Variants in KRT6A observed in about 807,000 individuals in gnomAD.
KRT6A encodes the protein keratin, type II cytoskeletal 6A.
KRT6A carries 28 observed loss-of-function variants against 48.6 expected under a neutral mutation model. That is an observed-to-expected ratio of 0.58 (90% CI 0.43 to 0.79). KRT6A has a LOEUF of 0.79. KRT6A is among the 30% of genes least tolerant of loss of function. The pLI is 0.00. For synonymous variants in KRT6A, 301 were observed against 294.2 expected (o/e 1.02, Z -0.24); for missense variants, 687 against 724.3 (o/e 0.95, Z 0.59).
intron 6 of KRT6A, among the ~76,000 whole-genome samples, chr12:52,488,924 A>T (rs1181197374): frequency 6.6e-6 from 1 of 152,194 alleles, no homozygotes; most frequent in Non-Finnish European, 1.5e-5. Context: ...CAAAATTAAG[A>T]CCATCCTGAA....
Position 52,491,583 on chromosome 12 carries a change from G to C in KRT6A, c.694C>G (p.Arg232Gly), listed in dbSNP as rs760660499. Residue 232 changes from arginine to glycine, a missense_variant, in exon 2 of 9, where the codon CGG becomes GGG. Around this residue, in one of 3 missense-constraint regions of KRT6A, gnomAD observed 566 missense variants for 565.3 expected, o/e 1.00. Transcript: ENST00000330722. The stretch of plus-strand genomic sequence containing the variant: ...CTGAGCTCTGAGTCCAGGCGGCCCC[G>C]TTCCCCGACAATGCTGTCCAGCTGC... Reference protein sequence around the residue: ...RRQLDSIVGERGRLDSELRGM... With the variant: ...RRQLDSIVGEGGRLDSELRGM... 5.0e-6 allele frequency: 8 copies of C among 1,613,992 alleles called. No individual in the cohort carries two copies. In the African/African-American group the frequency reaches 1.1e-4, roughly 22 times the overall value.
Position 52,492,791 on chromosome 12 carries a change from C to T in KRT6A, c.398G>A (p.Gly133Glu). ...GGPGFPVCPP[G>E]GIQEVTVNQS... ...GTTGACGGTGACCTCTTGGATGCCT[C>T]CAGGGGGGCACACAGGGAAGCCAGG... The change falls in exon 1 of 9, where the codon GGA becomes GAA. Residue 133 changes from glycine (G) to glutamate (E), a missense_variant. This residue lies in a region of KRT6A where 566 missense variants were observed against 565.3 expected (regional missense o/e 1.00). Coordinates refer to ENST00000330722, the MANE Select transcript of KRT6A (RefSeq NM_005554.4). The T allele has an allele frequency of 6.2e-7, 1 of 1,613,616 alleles. No individual in the cohort carries two copies. The highest frequency in any genetic ancestry group is 8.5e-7 in the Non-Finnish European group (1 of 1,179,854).
chr12:52,493,180 G>A lies in KRT6A; in HGVS notation c.9C>T (p.Ser3=). Residue 3 remains serine, a synonymous_variant, in exon 1 of 9, where the codon AGC becomes AGT. Coordinates refer to ENST00000330722, the MANE Select transcript of KRT6A (RefSeq NM_005554.4). ...TGTGGCTCCTGATGGTGGTGGATGT[G>A]CTGGCCATGGTTCCAGGAGATGAGA... MA[S]TSTTIRSHSS... is the part of the protein sequence containing the mutation. The A allele has an allele frequency of 6.2e-7, 1 of 1,614,180 alleles. No homozygotes were observed. The highest frequency in any genetic ancestry group is 8.5e-7 in the Non-Finnish European group (1 of 1,180,048).
intron 6 of KRT6A, 104 bp from the exon 7 acceptor site, chr12:52,488,652 T>G: frequency 7.1e-7 from 1 of 1,409,446 alleles, no homozygotes; most frequent in Admixed American, 1.9e-5. Flanking sequence ...CCAGAATTGA[T>G]GGTGAATGAG....
intron 5 of KRT6A, 161 bp from the exon 6 acceptor site, chr12:52,490,229 C>T: frequency 5.0e-6 from 7 of 1,390,330 alleles, no homozygotes; most frequent in Non-Finnish European, 7.0e-6. Flanking sequence ...ATACTAAACA[C>T]TGGAGTCACA....
Position 52,491,648 on chromosome 12 carries a change from A to C in KRT6A, c.629T>G (p.Leu210Arg), listed in dbSNP as rs756211638. ...EQGTKTVRQN[L>R]EPLFEQYINN... The stretch of plus-strand genomic sequence containing the variant: ...GATGTACTGCTCGAACAACGGCTCC[A>C]GGTTCTGCCTCACAGTCTTGGTGCC... The change falls in exon 2 of 9, where the codon CTG becomes CGG. Residue 210 changes from leucine to arginine, a missense_variant. By Grantham distance (102) the Leu-to-Arg change is moderately radical. Around this residue, in one of 3 missense-constraint regions of KRT6A, gnomAD observed 566 missense variants for 565.3 expected, o/e 1.00. Transcript: ENST00000330722. 6.2e-7 allele frequency: 1 copy of C among 1,614,216 alleles called. No homozygotes were observed. Among genetic ancestry groups the C allele is most frequent in the African/African-American group, 1.3e-5 (1 of 75,050 alleles).
rs1938168781 is a variant in KRT6A at position 52,487,651 on chromosome 12, C to A, written c.*69G>T. 2 of 1,607,414 alleles carry A rather than the reference C, an allele frequency of 1.2e-6. No homozygotes were observed. Among genetic ancestry groups the A allele is most frequent in the African/African-American group, 2.7e-5 (2 of 74,768 alleles). On this transcript the variant is annotated 3_prime_UTR_variant, in exon 9 of 9. Transcript: ENST00000330722. ...CTGGAGGCCAGGAGAGGAAAGGCAA[C>A]CTGAGGAGAGGGCTCTGCAGCCAGA...
At chr12:52,488,634 C>G in intron 6 of KRT6A, 86 bp from the exon 7 acceptor site, 1 of 1,385,422 alleles carries the variant, frequency 7.2e-7, no homozygotes, top group Non-Finnish European at 1.0e-6. Context: ...AGTGAAGGGG[C>G]CAGGAGCCCA....
intron 6 of KRT6A, 65 bp downstream of exon 6, chr12:52,489,878 T>C (rs1938226271): frequency 1.2e-6 from 2 of 1,613,240 alleles, no homozygotes; most frequent in Non-Finnish European, 1.7e-6. Flanking sequence ...CCTAATATAA[T>C]GGTTGATGGC....
In KRT6A at chr12:52,487,964, G is replaced by A. The variant is rs776091319; in HGVS notation, c.1460-9C>T. ...GGTGGACTGCACCACAGCTGTGATG[G>A]GGAGGGGACAAGGACACAAGAAGCC... On this transcript the variant is annotated splice_polypyrimidine_tract_variant and intron_variant, in intron 8 of 8. Coordinates refer to ENST00000330722, the MANE Select transcript of KRT6A (RefSeq NM_005554.4). The A allele has an allele frequency of 1.9e-6, 3 of 1,614,146 alleles. 1 individual carries two copies. The highest frequency in any genetic ancestry group is 2.2e-5 in the South Asian group (2 of 91,072).
At chr12:52,489,772 T>TA (rs1938223560) in intron 6 of KRT6A, 171 bp downstream of exon 6, 1 of 1,079,854 alleles carries the variant, frequency 9.3e-7, no homozygotes, top group Admixed American at 2.0e-5. Context: ...TGTCATGCCA[T>TA]AGGTAGGATC....
At position 52,488,354 on chromosome 12, in the gene KRT6A, G is replaced by A. The variant is rs752793452; in HGVS notation, c.1398C>T (p.Arg466=). ...TGCACTCCTCACCCTCCAGCAGCTT[G>A]CGGTAGGTGGCGATCTCCACGTCCA... ...LALDVEIATY[R]KLLEGEECRL... is the part of the protein sequence containing the mutation. The change falls in exon 7 of 9, where the codon CGC becomes CGT. Residue 466 remains arginine (R), a synonymous_variant. Coordinates refer to ENST00000330722, the MANE Select transcript of KRT6A (RefSeq NM_005554.4). 1 of 1,614,174 alleles carries A rather than the reference G, an allele frequency of 6.2e-7. No homozygotes were observed. The highest frequency in any genetic ancestry group is 1.7e-5 in the Admixed American group (1 of 60,028).
intron 8 of KRT6A, 52 bp from the exon 9 acceptor site, chr12:52,488,007 T>C (rs1191009500): frequency 5.6e-6 from 9 of 1,614,002 alleles, no homozygotes; most frequent in African/African-American, 2.7e-5. Flanking sequence ...GCTCATCCTG[T>C]CAGCCTGAGC....
chr12:52,489,767 T>C lies in KRT6A; in HGVS notation c.1203+176A>G, dbSNP rs1404292191. ...CTGGTTCTCTCATGTGTTTGTGTCA[T>C]GCCATAGGTAGGATCTATGTCTCCT... On this transcript the variant is annotated intron_variant, in intron 6 of 8. Coordinates refer to ENST00000330722, the MANE Select transcript of KRT6A (RefSeq NM_005554.4). 9.6e-6 allele frequency: 10 copies of C among 1,042,768 alleles called. No individual in the cohort carries two copies. The Admixed American group carries it at 1.2e-4, about 13-fold the overall frequency. The allele number at this position is 1,042,768 out of a possible 1,614,324, so 64.6% of individuals were successfully genotyped here.
chr12:52,491,266 A>C, intron 2 of KRT6A, 94 bp from the exon 3 acceptor site: 1 of 1,606,928 alleles, frequency 6.2e-7, no homozygotes. Flanking sequence ...AATGGAATAT[A>C]TTCTAATTGG....
chr12:52,488,189 G>T (rs1243946447), intron 7 of KRT6A, 86 bp from the exon 8 acceptor site: 120 of 1,613,436 alleles, frequency 7.4e-5, no homozygotes, highest in Non-Finnish European at 9.7e-5. Context: ...GGGTGGAAGA[G>T]TCCATGGGAA....
chr12:52,488,054 A>G lies in KRT6A; in HGVS notation c.1459+15T>C, dbSNP rs1292592283. 3.1e-6 allele frequency: 5 copies of G among 1,614,110 alleles called. No individual in the cohort carries two copies. The South Asian group carries it at 4.4e-5, about 14-fold the overall frequency. On this transcript the variant is annotated intron_variant, in intron 8 of 8. Transcript: ENST00000330722. Reference sequence around the variant, plus strand: ...AGTGCGAGGGCAGGGGAGGAAGGCAAGCAAAGGTACTTACAGATGTTGACT... The same window carrying G: ...AGTGCGAGGGCAGGGGAGGAAGGCAGGCAAAGGTACTTACAGATGTTGACT...
chr12:52,492,745 G>A lies in KRT6A; in HGVS notation c.444C>T (p.Leu148=). 6.2e-7 allele frequency: 1 copy of A among 1,613,930 alleles called. No individual in the cohort carries two copies. The highest frequency in any genetic ancestry group is 8.5e-7 in the Non-Finnish European group (1 of 1,179,934). ...VTVNQSLLTP[L]NLQIDPTIQR... ...GGATGGTGGGATCGATTTGCAGGTT[G>A]AGGGGAGTCAGGAGACTCTGGTTGA... is the stretch of plus-strand genomic sequence containing the variant. The change falls in exon 1 of 9, where the codon CTC becomes CTT. Residue 148 remains leucine, a synonymous_variant. Coordinates refer to ENST00000330722, the MANE Select transcript of KRT6A (RefSeq NM_005554.4).
In KRT6A at chr12:52,487,714, C is replaced by G. The variant is rs200885123; in HGVS notation, c.*6G>C. On this transcript the variant is annotated 3_prime_UTR_variant, in exon 9 of 9. Transcript: ENST00000330722. ...GACTGTGGGACCGAGAGCTAGCAGA[C>G]GCACTTTAGTGCTTATAGCTCTTCC... 1 of 1,614,036 alleles carries G rather than the reference C, an allele frequency of 6.2e-7. No homozygotes were observed. The highest frequency in any genetic ancestry group is 8.5e-7 in the Non-Finnish European group (1 of 1,180,034).
Sources: gnomAD v4.1 joint callset for allele counts (sites outside exome capture counted in the v4.1 genomes callset) on GRCh38, gnomAD v4.1.1 for gene constraint, gnomAD v4.1.1 regional missense constraint, MANE v1.5 for transcripts, NCBI Gene and HGNC (gene_info 2026-07-23, HGNC 2026-07-21) for gene names.